SH3RF3: variants seen among roughly 807,000 people sequenced by gnomAD.
SH3RF3 encodes E3 ubiquitin-protein ligase SH3RF3.
A neutral mutation model predicts 66.3 loss-of-function variants in SH3RF3; 29 were observed. The observed-to-expected ratio is 0.44, with a 90% CI of 0.33 to 0.60. The LOEUF is 0.60. Among genes scored for constraint, SH3RF3 ranks in the 20% least tolerant of loss-of-function variants. The pLI, the probability that SH3RF3 is intolerant of heterozygous loss-of-function variation, is 0.04. For missense variants in SH3RF3, 1,194 were observed against 1,190.9 expected (o/e 1.00, Z -0.04); for synonymous variants, 583 against 532.0 (o/e 1.10, Z -1.32).
At chr2:109,359,253 A>G (rs1021628983) in intron 2 of SH3RF3, among the ~76,000 whole-genome samples, 3 of 152,140 alleles carry the variant, frequency 2.0e-5, no homozygotes, top group Admixed American at 6.5e-5. Flanking sequence ...TGGCTCTTCT[A>G]GGTCTCTTGC....
chr2:109,357,880 A>G (rs1682983215), intron 2 of SH3RF3, among the ~76,000 whole-genome samples: 2 of 152,176 alleles, frequency 1.3e-5, no homozygotes, highest in South Asian at 2.1e-4. Flanking sequence ...CACTCACCAG[A>G]GTTAGTGCAT....
At chr2:109,423,502 C>G (rs1008736550) in intron 5 of SH3RF3, among the ~76,000 whole-genome samples, 1 of 152,216 alleles carries the variant, frequency 6.6e-6, no homozygotes, top group Non-Finnish European at 1.5e-5. Flanking sequence ...CAACACAAGA[C>G]AGGGGCACCT....
chr2:109,430,340 G>A (rs909975688), intron 5 of SH3RF3, among the ~76,000 whole-genome samples: 2 of 152,184 alleles, frequency 1.3e-5, no homozygotes, highest in Admixed American at 6.5e-5. Flanking sequence ...CAATTTGTGC[G>A]TCATTGTTAC....
At chr2:109,187,404 G>A (rs1036894042) in intron 1 of SH3RF3, among the ~76,000 whole-genome samples, 2 of 151,980 alleles carry the variant, frequency 1.3e-5, no homozygotes, top group Admixed American at 1.3e-4. Flanking sequence ...CTAAGATGGT[G>A]CTTAAGGCCG....
At chr2:109,279,112 G>A (rs771555870) in intron 1 of SH3RF3, among the ~76,000 whole-genome samples, 2 of 152,156 alleles carry the variant, frequency 1.3e-5, no homozygotes, top group Admixed American at 6.5e-5. Context: ...GCAAATCCAC[G>A]TATCACCTGG....
chr2:109,417,250 G>A (rs543083554), intron 4 of SH3RF3, among the ~76,000 whole-genome samples: 212 of 152,276 alleles, frequency 1.4e-3, no homozygotes, highest in African/African-American at 5.0e-3. Context: ...CCCTTGGGGT[G>A]TCTCTGCCCT....
intron 1 of SH3RF3, among the ~76,000 whole-genome samples, chr2:109,312,029 G>A (rs958721417): frequency 1.8e-4 from 24 of 132,530 alleles, no homozygotes; most frequent in Non-Finnish European, 3.1e-4. Context: ...TGACTTGAGC[G>A]TTGTGGCCGG....
chr2:109,490,932 G>A lies in SH3RF3; in HGVS notation c.2476G>A (p.Glu826Lys), dbSNP rs1217078426. Residue 826 changes from glutamate to lysine, a missense_variant, in exon 9 of 10, where the codon GAG (glutamate) becomes AAG (lysine). Transcript: ENST00000309415. ...CCCCGAGCCCAAGCTGTTGCCCAGA[G>A]AGAGGTAAGTGCAGGGGCTTGTCTG... ...IRPEPKLLPRERYRVVVSYPP... is the reference protein window; with the variant it reads ...IRPEPKLLPRKRYRVVVSYPP... 2 of 1,494,768 alleles carry A rather than the reference G, an allele frequency of 1.3e-6. No homozygotes were observed. The highest frequency in any genetic ancestry group is 2.8e-5 in the African/African-American group (2 of 72,324). 92.6% of individuals were successfully genotyped at this position (1,494,768 alleles called of 1,614,324 possible).
At chr2:109,275,761 C>T (rs921348821) in intron 1 of SH3RF3, among the ~76,000 whole-genome samples, 1 of 152,204 alleles carries the variant, frequency 6.6e-6, no homozygotes, top group Non-Finnish European at 1.5e-5. Flanking sequence ...GCACCTGCTT[C>T]CCTGTGCTAA....
intron 1 of SH3RF3, among the ~76,000 whole-genome samples, chr2:109,300,343 C>T (rs1226507341): frequency 6.6e-6 from 1 of 152,078 alleles, no homozygotes; most frequent in African/African-American, 2.4e-5. Context: ...CCATGTCTGG[C>T]TAATTTTTGT....
Position 109,432,574 on chromosome 2 carries a change from G to C in SH3RF3, c.1477G>C (p.Val493Leu). The change falls in exon 6 of 10, where the codon GTC becomes CTC. Residue 493 changes from valine to leucine, a missense_variant. Transcript: ENST00000309415. ...GCTGCACAAGGGAGAGATGTACCGGGTCCTCGAGAAGTGTCAGGATGGCTG... is the reference window on the plus strand; with the variant it reads ...GCTGCACAAGGGAGAGATGTACCGGCTCCTCGAGAAGTGTCAGGATGGCTG... ...LELHKGEMYR[V>L]LEKCQDGWFK... 4 of 1,613,684 alleles carry C rather than the reference G, an allele frequency of 2.5e-6. No homozygotes were observed. Among genetic ancestry groups the C allele is most frequent in the Non-Finnish European group, 3.4e-6 (4 of 1,179,806 alleles).
chr2:109,224,591 C>G (rs1352607627), intron 1 of SH3RF3, among the ~76,000 whole-genome samples: 1 of 152,214 alleles, frequency 6.6e-6, no homozygotes, highest in East Asian at 1.9e-4. Context: ...GGCGCAGTGG[C>G]TCACACCTGT....
At chr2:109,382,461 G>A (rs1675719093) in intron 3 of SH3RF3, among the ~76,000 whole-genome samples, 1 of 152,126 alleles carries the variant, frequency 6.6e-6, no homozygotes, top group African/African-American at 2.4e-5. Flanking sequence ...CCCCGACGTG[G>A]TTGGCCTTTC....
chr2:109,362,013 G>A (rs927432018), intron 2 of SH3RF3, among the ~76,000 whole-genome samples: 5 of 151,858 alleles, frequency 3.3e-5, no homozygotes, highest in Admixed American at 2.6e-4. Context: ...TCTTTTTAAA[G>A]ATTAATTTAT....
intron 1 of SH3RF3, among the ~76,000 whole-genome samples, chr2:109,241,665 G>A (rs1679786039): frequency 6.6e-6 from 1 of 152,048 alleles, no homozygotes; most frequent in African/African-American, 2.4e-5. Context: ...CATGGTGAGG[G>A]TTCGGCAGTT....
chr2:109,285,528 G>A lies in SH3RF3; in HGVS notation c.574-62146G>A, dbSNP rs150735732. Among the ~76,000 whole-genome samples the A allele has an allele frequency of 8.0e-3, 1,217 of 152,320 alleles. 11 individuals are homozygous for A. Among genetic ancestry groups the A allele is most frequent in the East Asian group, 0.037 (193 of 5,168 alleles). ...CATGCTGGGGCACTTGGACTGCAGG[G>A]CAATCGCTTGCCTGGCGGTGGGAGC... On this transcript the variant is annotated intron_variant, in intron 1 of 9. Transcript: ENST00000309415.
At chr2:109,208,611 A>G (rs11893925) in intron 1 of SH3RF3, among the ~76,000 whole-genome samples, 108,176 of 152,166 alleles carry the variant, frequency 0.71, 38,691 homozygotes, top group East Asian at 0.89. Context: ...CATATTTGTA[A>G]GCAGTCATTT....
intron 1 of SH3RF3, among the ~76,000 whole-genome samples, chr2:109,254,541 A>G (rs1247251310): frequency 6.6e-6 from 1 of 152,228 alleles, no homozygotes; most frequent in Non-Finnish European, 1.5e-5. Context: ...GGGTCTGGCA[A>G]TACAACATTG....
Position 109,129,381 on chromosome 2 carries a change from A to G in SH3RF3, c.-160A>G. 2.5e-6 allele frequency: 3 copies of G among 1,213,588 alleles called. No homozygotes were observed. Among genetic ancestry groups the G allele is most frequent in the Non-Finnish European group, 3.4e-6 (3 of 876,074 alleles). 75.2% of individuals were successfully genotyped at this position (1,213,588 alleles called of 1,614,324 possible). On this transcript the variant is annotated 5_prime_UTR_variant, in exon 1 of 10. Coordinates refer to ENST00000309415, the MANE Select transcript of SH3RF3 (RefSeq NM_001099289.3). ...CGCCACGCAGGCCGGTCGGTGAGCCACTTCGCACCGCCACAGCCCTAGCAT... is the reference window on the plus strand; with the variant it reads ...CGCCACGCAGGCCGGTCGGTGAGCCGCTTCGCACCGCCACAGCCCTAGCAT...
Sources: allele counts gnomAD v4.1 joint callset (sites outside exome capture counted in the v4.1 genomes callset), GRCh38; gene constraint gnomAD v4.1.1; transcripts MANE v1.5; gene names NCBI Gene and HGNC (gene_info 2026-07-23, HGNC 2026-07-21).